Variants in ADCY9 observed in about 807,000 individuals in gnomAD.
ADCY9 encodes the protein adenylate cyclase type 9.
ADCY9 carries 50 observed loss-of-function variants against 101.5 expected under a neutral mutation model. The observed-to-expected ratio is 0.49, with a 90% CI of 0.39 to 0.62. The LOEUF is 0.62. ADCY9 is among the 20% of genes least tolerant of loss of function. ADCY9 has a pLI of 0.00. For missense variants in ADCY9, 1,662 were observed against 1,800.4 expected, an observed-to-expected ratio of 0.92 and a Z score of 1.39; for synonymous variants, 905 against 769.3, an observed-to-expected ratio of 1.18 and a Z score of -2.92.
chr16:4,011,339 C>T (rs1053753337), intron 2 of ADCY9, among the ~76,000 whole-genome samples: 5 of 152,094 alleles, frequency 3.3e-5, no homozygotes, highest in Admixed American at 2.6e-4. Flanking sequence ...ACTGTGTGGG[C>T]CATCCTGGGA....
At chr16:4,073,077 G>A (rs1413525307) in intron 2 of ADCY9, among the ~76,000 whole-genome samples, 3 of 150,924 alleles carry the variant, frequency 2.0e-5, no homozygotes, top group African/African-American at 7.3e-5. Context: ...GGATCTCCTT[G>A]GTATGAAATT....
At chr16:3,985,914 C>G (rs1246550650) in intron 6 of ADCY9, among the ~76,000 whole-genome samples, 1 of 152,148 alleles carries the variant, frequency 6.6e-6, no homozygotes, top group East Asian at 1.9e-4. Flanking sequence ...GGAGTGCCAC[C>G]TGTCCCAGTC....
intron 8 of ADCY9, among the ~76,000 whole-genome samples, chr16:3,978,202 C>T (rs1597139721): frequency 6.6e-6 from 1 of 152,120 alleles, no homozygotes; most frequent in African/African-American, 2.4e-5. Flanking sequence ...GGAAATGGCA[C>T]GTGTCTTCGT....
At chr16:4,067,626 A>G (rs1567135521) in intron 2 of ADCY9, among the ~76,000 whole-genome samples, 1 of 152,178 alleles carries the variant, frequency 6.6e-6, no homozygotes, top group African/African-American at 2.4e-5. Context: ...AGAGAGATGT[A>G]TTTTATGGTC....
intron 7 of ADCY9, 70 bp from the exon 8 acceptor site, chr16:3,979,345 G>C: frequency 2.6e-6 from 4 of 1,563,728 alleles, no homozygotes; most frequent in Non-Finnish European, 3.5e-6. Context: ...AGACAGGTGC[G>C]AGGCCGCAGC....
chr16:4,037,003 G>C (rs1394654991), intron 2 of ADCY9, among the ~76,000 whole-genome samples: 1 of 152,042 alleles, frequency 6.6e-6, no homozygotes, highest in African/African-American at 2.4e-5. Flanking sequence ...TATGTCTTTT[G>C]TGTCTGGCTT....
chr16:3,992,676 G>A lies in ADCY9; in HGVS notation c.1990-313C>T, dbSNP rs1355428194. On this transcript the variant is annotated intron_variant, in intron 4 of 10. Coordinates refer to ENST00000294016, the MANE Select transcript of ADCY9 (RefSeq NM_001116.4). The surrounding 1 kb of genome is among the most constrained non-coding windows in gnomAD (Gnocchi z 4.2). ...GGAAGGGAGGAAAGTGAGGAGCCGA[G>A]GCCCCCAGAGTCTGCTTAGGCCAGA... Among the ~76,000 whole-genome samples the A allele has an allele frequency of 6.6e-6, 1 of 152,128 alleles. No individual in the cohort carries two copies. The highest frequency in any genetic ancestry group is 2.4e-5 in the African/African-American group (1 of 41,438).
At chr16:4,060,253 T>A (rs1439734089) in intron 2 of ADCY9, among the ~76,000 whole-genome samples, 1 of 152,096 alleles carries the variant, frequency 6.6e-6, no homozygotes, top group Non-Finnish European at 1.5e-5. Flanking sequence ...ATACAGAGAA[T>A]AAGGGAGCTA....
chr16:3,956,506 G>GT (rs746377131), intron 5 of ADCY9, among the ~76,000 whole-genome samples: 2 of 10,940 alleles, frequency 1.8e-4, no homozygotes, highest in Non-Finnish European at 3.0e-4. Flanking sequence ...TTTTTTTTGG[G>GT]GGGGGATGGA....
downstream of ADCY9, among the ~76,000 whole-genome samples, chr16:3,961,906 A>G (rs2055941404): frequency 6.6e-6 from 1 of 152,080 alleles, no homozygotes; most frequent in Non-Finnish European, 1.5e-5. Flanking sequence ...TATGCCTGTA[A>G]TCCCAGCTGC....
intron 2 of ADCY9, among the ~76,000 whole-genome samples, chr16:4,053,694 AC>A (rs35519397): frequency 1 from 152,335 of 152,336 alleles, 76,167 homozygotes; most frequent in Middle Eastern, 1. Context: ...TGGCACGGGG[AC>A]CCGATTGCAA....
In ADCY9 at chr16:3,978,719, ATTTAT is replaced by A. The variant is rs1329644277; in HGVS notation, c.2679+392_2679+396del. Among the ~76,000 whole-genome samples, 5 of 151,990 alleles carry A rather than the reference ATTTAT, an allele frequency of 3.3e-5. No homozygotes were observed. The East Asian group carries it at 5.8e-4, about 18-fold the overall frequency. On this transcript the variant is annotated intron_variant, in intron 8 of 10. Coordinates refer to ENST00000294016, the MANE Select transcript of ADCY9 (RefSeq NM_001116.4). ...CCTCTTCAAGGGTTTATTTTATTTT[ATTTAT>A]TTTATTTTATTTTGTGACGCAGTCT...
intron 2 of ADCY9, among the ~76,000 whole-genome samples, chr16:4,018,951 T>TTTTGTGTGTGTGTGTGTGTGTG (rs1555509531): frequency 1.7e-4 from 23 of 138,930 alleles, no homozygotes; most frequent in Admixed American, 5.9e-4. Flanking sequence ...AGAATCGCAG[T>TTTTGTGTGTGTGTGTGTGTGTG]TGTGTGTGTG....
At chr16:4,085,280 T>G (rs2056930561) in intron 2 of ADCY9, among the ~76,000 whole-genome samples, 1 of 152,034 alleles carries the variant, frequency 6.6e-6, no homozygotes, top group African/African-American at 2.4e-5. Context: ...AAGAATCACT[T>G]AAGCCTGGGA....
chr16:4,070,400 G>A (rs1223893610), intron 2 of ADCY9, among the ~76,000 whole-genome samples: 2 of 152,248 alleles, frequency 1.3e-5, no homozygotes, highest in South Asian at 4.1e-4. Context: ...ATAGGATGTG[G>A]ATGAAAGTTT....
At chr16:4,049,453 G>T (rs759963300) in intron 2 of ADCY9, among the ~76,000 whole-genome samples, 3 of 152,100 alleles carry the variant, frequency 2.0e-5, no homozygotes, top group Non-Finnish European at 1.5e-5. Context: ...GCCCAAGGAT[G>T]CTGGCTAATC....
intron 3 of ADCY9, among the ~76,000 whole-genome samples, chr16:4,004,814 G>T (rs1054213525): frequency 6.6e-6 from 1 of 152,188 alleles, no homozygotes; most frequent in Non-Finnish European, 1.5e-5. Flanking sequence ...GCACGGGAAG[G>T]CGTGGTGGAG....
intron 2 of ADCY9, among the ~76,000 whole-genome samples, chr16:4,107,047 C>T (rs2141205644): frequency 6.6e-6 from 1 of 152,298 alleles, no homozygotes; most frequent in African/African-American, 2.4e-5. Context: ...GAAAGCTTGT[C>T]TTCAGAATTA....
intron 10 of ADCY9, among the ~76,000 whole-genome samples, chr16:3,970,397 G>A (rs1238095416): frequency 6.6e-6 from 1 of 152,036 alleles, no homozygotes; most frequent in East Asian, 1.9e-4. Context: ...GCGCGACCTT[G>A]GCTCACTGCA....
Sources: gnomAD v4.1 joint callset for allele counts (sites outside exome capture counted in the v4.1 genomes callset) on GRCh38, gnomAD v4.1.1 for gene constraint, Gnocchi (gnomAD v3.1) non-coding constraint, MANE v1.5 for transcripts, NCBI Gene and HGNC (gene_info 2026-07-23, HGNC 2026-07-21) for gene names.